Variants in ADAMTS16 observed in about 807,000 individuals in gnomAD.
The protein encoded by ADAMTS16 is ADAM metallopeptidase with thrombospondin type 1 motif 16.
Under a neutral mutation model 145.8 loss-of-function variants are expected in ADAMTS16, and 94 were observed. That is an observed-to-expected ratio of 0.64 (90% CI 0.55 to 0.77). ADAMTS16 has a LOEUF of 0.77. Among genes scored for constraint, ADAMTS16 ranks in the 30% least tolerant of loss-of-function variants. ADAMTS16 has a pLI of 0.00. For synonymous variants in ADAMTS16, 659 were observed against 604.3 expected, an observed-to-expected ratio of 1.09 and a Z score of -1.33; for missense variants, 1,585 against 1,591.5, an observed-to-expected ratio of 1.00 and a Z score of 0.07.
intron 20 of ADAMTS16, among the ~76,000 whole-genome samples, chr5:5,305,562 G>A (rs201825328): frequency 2.2e-3 from 130 of 58,562 alleles, no homozygotes; most frequent in South Asian, 4.7e-3. Flanking sequence ...ACACACACAC[G>A]TCAGAGCTTC....
chr5:5,279,380 C>T (rs1738814764), intron 18 of ADAMTS16, among the ~76,000 whole-genome samples: 2 of 152,172 alleles, frequency 1.3e-5, no homozygotes, highest in African/African-American at 4.8e-5. Context: ...GTCCATTGTT[C>T]CTCTAATCCC....
chr5:5,272,569 G>A (rs1384060612), intron 18 of ADAMTS16, among the ~76,000 whole-genome samples: 1 of 151,916 alleles, frequency 6.6e-6, no homozygotes, highest in African/African-American at 2.4e-5. Context: ...GTTTCACTGT[G>A]TTAGCCAGGA....
At chr5:5,260,510 A>G (rs1291891325) in intron 17 of ADAMTS16, among the ~76,000 whole-genome samples, 1 of 152,252 alleles carries the variant, frequency 6.6e-6, no homozygotes, top group Non-Finnish European at 1.5e-5. Context: ...TGGGTTAAAT[A>G]TATAATTCTG....
intron 18 of ADAMTS16, among the ~76,000 whole-genome samples, chr5:5,295,283 C>A (rs1020797875): frequency 6.6e-6 from 1 of 152,180 alleles, no homozygotes; most frequent in Non-Finnish European, 1.5e-5. Flanking sequence ...TTGTCTCAGC[C>A]ACACCTAATT....
At chr5:5,311,547 CTT>C (rs11315258) in intron 21 of ADAMTS16, among the ~76,000 whole-genome samples, 20,771 of 125,558 alleles carry the variant, frequency 0.17, 1,611 homozygotes, top group Middle Eastern at 0.22. Flanking sequence ...TAGTCTGCTC[CTT>C]TTTTTTTTTT....
Position 5,187,739 on chromosome 5 carries a change from C to CAAGAAT in ADAMTS16, c.980_981insGAATAA (p.Lys327_Asp328insAsnLys). ...GTCTTTTTCAGGTATCTGCTTTATT[C>CAAGAAT]AAAGATGGAACAATAGGAGGAAACA... is the stretch of plus-strand genomic sequence containing the variant. On this transcript the variant is annotated inframe_insertion, in exon 6 of 23. Coordinates refer to ENST00000274181, the MANE Select transcript of ADAMTS16 (RefSeq NM_139056.4). 6.2e-7 allele frequency: 1 copy of CAAGAAT among 1,611,584 alleles called. No individual in the cohort carries two copies.
intron 9 of ADAMTS16, among the ~76,000 whole-genome samples, chr5:5,202,470 C>A (rs1735988308): frequency 6.6e-6 from 1 of 152,164 alleles, no homozygotes; most frequent in South Asian, 2.1e-4. Flanking sequence ...TTTTTCCCTG[C>A]ATGGTATTCT....
In ADAMTS16 at chr5:5,171,764, A is replaced by G. The variant is rs139450005; in HGVS notation, c.502-10280A>G. Among the ~76,000 whole-genome samples the G allele has an allele frequency of 2.8e-3, 424 of 152,220 alleles. 1 individual carries two copies. In the East Asian group the frequency reaches 0.032, roughly 11 times the overall value. ...TGGTGTGTTCTTATCTGGTTTTGAT[A>G]TCAGGATAATACTGACCTCATAGGA... On this transcript the variant is annotated intron_variant, in intron 3 of 22. Transcript: ENST00000274181.
chr5:5,207,209 C>A (rs569395708), intron 9 of ADAMTS16, among the ~76,000 whole-genome samples: 6 of 152,228 alleles, frequency 3.9e-5, no homozygotes, highest in African/African-American at 1.4e-4. Context: ...TTTAGTTTTT[C>A]TTTGATTTCT....
chr5:5,268,374 C>T (rs998654906), intron 18 of ADAMTS16, among the ~76,000 whole-genome samples: 1 of 152,198 alleles, frequency 6.6e-6, no homozygotes, highest in Non-Finnish European at 1.5e-5. Context: ...ATCCTTGACT[C>T]ACCGTACGTA....
At chr5:5,308,377 C>T (rs1269232947) in intron 21 of ADAMTS16, among the ~76,000 whole-genome samples, 3 of 152,198 alleles carry the variant, frequency 2.0e-5, no homozygotes, top group South Asian at 4.1e-4. Flanking sequence ...CAGAGAAGTC[C>T]GTGCTTGGCC....
intron 10 of ADAMTS16, among the ~76,000 whole-genome samples, chr5:5,221,360 C>T (rs950902558): frequency 1.3e-5 from 2 of 152,016 alleles, no homozygotes; most frequent in African/African-American, 2.4e-5. Flanking sequence ...CCCGGGTGCT[C>T]GCAGCAGTCT....
At position 5,236,296 on chromosome 5, in the gene ADAMTS16, C is replaced by T. The variant is rs1331908184; in HGVS notation, c.2024-673C>T. On this transcript the variant is annotated intron_variant, in intron 13 of 22. Transcript: ENST00000274181. ...ATGAAATTTTCATCATTAATTGTCC[C>T]TCCCCTTTTTTTTTTACCAAGAAGA... Among the ~76,000 whole-genome samples, 5 of 117,228 alleles carry T rather than the reference C, an allele frequency of 4.3e-5. No individual in the cohort carries two copies. In the East Asian group the frequency reaches 8.5e-4, roughly 20 times the overall value. 76.9% of individuals were successfully genotyped at this position (117,228 alleles called of 152,430 possible).
chr5:5,168,712 T>C (rs1210633751), intron 3 of ADAMTS16, among the ~76,000 whole-genome samples: 1 of 138,058 alleles, frequency 7.2e-6, no homozygotes, highest in Non-Finnish European at 1.5e-5. Context: ...TATATAATAA[T>C]TATAATTTTA....
intron 10 of ADAMTS16, among the ~76,000 whole-genome samples, chr5:5,211,834 TTTAATTGCCAAATAA>T (rs1330722870): frequency 6.6e-6 from 1 of 152,166 alleles, no homozygotes; most frequent in Non-Finnish European, 1.5e-5. Flanking sequence ...TTAAATATTA[TTTAATTGCCAAATAA>T]TTCTCCAGAT....
At chr5:5,255,777 A>G (rs1331343102) in intron 17 of ADAMTS16, among the ~76,000 whole-genome samples, 1 of 152,192 alleles carries the variant, frequency 6.6e-6, no homozygotes, top group East Asian at 1.9e-4. Context: ...ATTATGTTCA[A>G]CATATTGACC....
chr5:5,197,006 A>G (rs185513343), intron 8 of ADAMTS16, among the ~76,000 whole-genome samples: 9 of 152,232 alleles, frequency 5.9e-5, no homozygotes, highest in East Asian at 3.9e-4. Context: ...TCAGCCTTCT[A>G]TCTTTCATGG....
At chr5:5,250,598 TG>T (rs1436182040) in intron 17 of ADAMTS16, among the ~76,000 whole-genome samples, 4 of 152,182 alleles carry the variant, frequency 2.6e-5, no homozygotes, top group African/African-American at 9.7e-5. Context: ...AGCAGGACCC[TG>T]GTGTGATGGA....
chr5:5,288,887 C>T (rs1466588965), intron 18 of ADAMTS16, among the ~76,000 whole-genome samples: 3 of 152,196 alleles, frequency 2.0e-5, no homozygotes, highest in Non-Finnish European at 4.4e-5. Context: ...TGACCATCAA[C>T]GACCTCTGTG....
Sources: gnomAD v4.1 joint callset for allele counts (sites outside exome capture counted in the v4.1 genomes callset) on GRCh38, gnomAD v4.1.1 for gene constraint, MANE v1.5 for transcripts, NCBI Gene and HGNC (gene_info 2026-07-23, HGNC 2026-07-21) for gene names.